IL1RAPL2: variants seen among roughly 807,000 people sequenced by gnomAD.
IL1RAPL2 encodes interleukin 1 receptor accessory protein like 2.
Under a neutral mutation model 44.1 loss-of-function variants are expected in IL1RAPL2, and 3 were observed. The ratio of observed to expected loss-of-function variants is 0.07; its 90% confidence interval spans 0.03 to 0.18. The LOEUF (loss-of-function observed/expected upper bound fraction) is 0.18, where lower values mean the gene tolerates loss of function less well. IL1RAPL2 is among the 10% of genes least tolerant of loss of function. The pLI is 1.00. For synonymous variants in IL1RAPL2, 181 were observed against 178.8 expected, an observed-to-expected ratio of 1.01 and a Z score of -0.10; for missense variants, 391 against 496.4, an observed-to-expected ratio of 0.79 and a Z score of 2.02.
At chrX:104,690,033 AGAATAAATTT>A (rs1364793180) in intron 2 of IL1RAPL2, among the ~76,000 whole-genome samples, 4 of 112,022 alleles carry the variant, frequency 3.6e-5, no homozygotes, top group Admixed American at 2.8e-4. Context: ...CCAACTCTGG[AGAATAAATTT>A]GCCTGATAAA....
intron 4 of IL1RAPL2, among the ~76,000 whole-genome samples, chrX:105,253,572 A>G (rs1466431812): frequency 1.8e-5 from 2 of 110,108 alleles, no homozygotes; most frequent in African/African-American, 6.6e-5. Flanking sequence ...TTTAACTTTT[A>G]TTTTAGGTTC....
intron 2 of IL1RAPL2, among the ~76,000 whole-genome samples, chrX:104,778,475 G>T (rs978719968): frequency 9.3e-6 from 1 of 108,017 alleles, no homozygotes; most frequent in African/African-American, 3.3e-5. Flanking sequence ...CAGGAGGATC[G>T]CTTGAGTCTG....
At chrX:104,632,854 C>T (rs944188551) in intron 1 of IL1RAPL2, among the ~76,000 whole-genome samples, 2 of 110,267 alleles carry the variant, frequency 1.8e-5, no homozygotes, top group Non-Finnish European at 3.8e-5. Flanking sequence ...CCTGATTGCC[C>T]TGGCCAGAAC....
intron 5 of IL1RAPL2, among the ~76,000 whole-genome samples, chrX:105,288,161 GAGAA>G (rs756987605): frequency 2.7e-5 from 3 of 111,064 alleles, no homozygotes; most frequent in Admixed American, 9.6e-5. Context: ...AATTTTGAAA[GAGAA>G]AGAGTCCTTT....
chrX:104,688,096 C>G (rs990924547), intron 2 of IL1RAPL2, among the ~76,000 whole-genome samples: 1 of 111,919 alleles, frequency 8.9e-6, no homozygotes, highest in Non-Finnish European at 1.9e-5. Flanking sequence ...GCTGCTGTAG[C>G]CAAACTGTCA....
At chrX:105,518,252 T>C (rs1308577003) in intron 6 of IL1RAPL2, among the ~76,000 whole-genome samples, 1 of 110,978 alleles carries the variant, frequency 9.0e-6, no homozygotes, top group African/African-American at 3.3e-5. Context: ...GAAACTCTTT[T>C]TCTGTTCTAA....
intron 3 of IL1RAPL2, among the ~76,000 whole-genome samples, chrX:105,196,237 G>A (rs992728478): frequency 1.8e-4 from 20 of 110,740 alleles, no homozygotes; most frequent in African/African-American, 5.3e-4. Context: ...AGCCGAGATC[G>A]CGCCACTGCA....
intron 5 of IL1RAPL2, among the ~76,000 whole-genome samples, chrX:105,364,277 A>G (rs1020820375): frequency 1.8e-5 from 2 of 111,429 alleles, no homozygotes; most frequent in Non-Finnish European, 3.8e-5. Flanking sequence ...CCATTGGTCA[A>G]TGTATCTCTT....
intron 2 of IL1RAPL2, among the ~76,000 whole-genome samples, chrX:104,924,372 A>G (rs1415266578): frequency 8.9e-6 from 1 of 111,902 alleles, no homozygotes; most frequent in African/African-American, 3.2e-5. Flanking sequence ...TTTACAGAAC[A>G]TTCTACCCAA....
At chrX:104,906,518 G>A (rs1005765586) in intron 2 of IL1RAPL2, among the ~76,000 whole-genome samples, 6 of 111,606 alleles carry the variant, frequency 5.4e-5, no homozygotes, top group African/African-American at 2.0e-4. Flanking sequence ...AGCATGAAGG[G>A]TTGTTGAATT....
intron 2 of IL1RAPL2, among the ~76,000 whole-genome samples, chrX:104,910,346 A>G (rs1924195499): frequency 8.9e-6 from 1 of 112,044 alleles, no homozygotes; most frequent in African/African-American, 3.2e-5. Flanking sequence ...TGTAGACTGG[A>G]GCTGTTCCTA....
At chrX:105,263,815 C>T (rs987783146) in intron 4 of IL1RAPL2, among the ~76,000 whole-genome samples, 3 of 111,200 alleles carry the variant, frequency 2.7e-5, no homozygotes, top group South Asian at 3.8e-4. Context: ...TCTAGCAAGA[C>T]GGGCTCTCAG....
intron 2 of IL1RAPL2, among the ~76,000 whole-genome samples, chrX:105,004,824 A>G (rs985669952): frequency 9.0e-5 from 10 of 110,848 alleles, no homozygotes; most frequent in Non-Finnish European, 1.1e-4. Context: ...CCCCTCTTTT[A>G]CATGTTAAGA....
intron 2 of IL1RAPL2, among the ~76,000 whole-genome samples, chrX:104,815,710 T>C (rs753263915): frequency 4.5e-5 from 5 of 111,530 alleles, no homozygotes; most frequent in Non-Finnish European, 9.4e-5. Flanking sequence ...ATAAAGTCCA[T>C]GGACACAATT....
At chrX:105,417,223 C>T (rs1460160923) in intron 5 of IL1RAPL2, among the ~76,000 whole-genome samples, 4 of 112,403 alleles carry the variant, frequency 3.6e-5, no homozygotes. Flanking sequence ...CCTGTAATCC[C>T]AGCATTTTGG....
chrX:105,229,181 T>C (rs899385208), intron 3 of IL1RAPL2, among the ~76,000 whole-genome samples: 12 of 112,156 alleles, frequency 1.1e-4, no homozygotes, highest in African/African-American at 3.6e-4. Flanking sequence ...TTGCAGGAAA[T>C]ATTTTAAATA....
chrX:105,310,911 T>TA (rs1225766845), intron 5 of IL1RAPL2, among the ~76,000 whole-genome samples: 2 of 111,794 alleles, frequency 1.8e-5, no homozygotes, highest in Non-Finnish European at 3.8e-5. Context: ...AAAAGGAATG[T>TA]AAAAATCTCT....
rs1202902446 is a variant in IL1RAPL2 at position 105,065,606 on chromosome X, G to A, written c.83-129869G>A. 2.7e-5 allele frequency among the ~76,000 whole-genome samples: 3 copies of A among 111,635 alleles called. No homozygotes were observed. In the Admixed American group the frequency reaches 2.9e-4, roughly 11 times the overall value. On this transcript the variant is annotated intron_variant, in intron 2 of 10. Coordinates refer to ENST00000372582, the MANE Select transcript of IL1RAPL2 (RefSeq NM_017416.2). Reference sequence around the variant, plus strand: ...GTCTTGGAAAATAGATAGAACTGATGAGTATGAAGAACATTGCAAAACGTA... The same window carrying A: ...GTCTTGGAAAATAGATAGAACTGATAAGTATGAAGAACATTGCAAAACGTA...
intron 5 of IL1RAPL2, among the ~76,000 whole-genome samples, chrX:105,299,568 A>G (rs1403907734): frequency 2.7e-5 from 3 of 111,418 alleles, no homozygotes; most frequent in Non-Finnish European, 5.6e-5. Context: ...CTGGAATTTG[A>G]GGTTTGAAAA....
Sources: gnomAD v4.1 joint callset for allele counts (sites outside exome capture counted in the v4.1 genomes callset) on GRCh38, gnomAD v4.1.1 for gene constraint, MANE v1.5 for transcripts, NCBI Gene and HGNC (gene_info 2026-07-23, HGNC 2026-07-21) for gene names.